CAPN14: variants seen among roughly 807,000 people sequenced by gnomAD.
CAPN14 encodes calpain-14.
CAPN14 carries 94 observed loss-of-function variants against 101.3 expected under a neutral mutation model. The observed-to-expected ratio is 0.93, with a 90% confidence interval of 0.79 to 1.10. CAPN14 has a LOEUF of 1.10. Ranked by LOEUF, CAPN14 falls within the 50% of genes least tolerant of loss-of-function variation. The pLI, the probability that CAPN14 is intolerant of heterozygous loss-of-function variation, is 0.00. For missense variants in CAPN14, 837 were observed against 828.4 expected, an observed-to-expected ratio of 1.01 and a Z score of -0.13; for synonymous variants, 338 against 317.9, an observed-to-expected ratio of 1.06 and a Z score of -0.67.
rs1222399994 is a variant in CAPN14, at chr2:31,178,573, C to T, written c.1717G>A (p.Ala573Thr). 1 of 1,536,348 alleles carries T rather than the reference C, an allele frequency of 6.5e-7. No individual in the cohort carries two copies. The highest frequency in any genetic ancestry group is 8.8e-7 in the Non-Finnish European group (1 of 1,141,144). ...QGILALLDLN[A>T]SGTMSIQEFR... Reference sequence around the variant, plus strand: ...TCCTGGATGCTCATAGTACCTGATGCATTAAGCTGATTAATAGGTTAAGGT... The same window carrying T: ...TCCTGGATGCTCATAGTACCTGATGTATTAAGCTGATTAATAGGTTAAGGT... The change falls in exon 18 of 22, where the codon GCA (alanine) becomes ACA (threonine). Residue 573 changes from alanine to threonine, a missense_variant. Coordinates refer to ENST00000403897, the MANE Select transcript of CAPN14 (RefSeq NM_001145122.2).
chr2:31,222,741 T>G (rs1470481192), intron 2 of CAPN14, among the ~76,000 whole-genome samples: 1 of 152,144 alleles, frequency 6.6e-6, no homozygotes, highest in African/African-American at 2.4e-5. Context: ...CTACAGGATA[T>G]CCAAGTGAAA....
chr2:31,174,676 C>A lies in CAPN14; in HGVS notation c.*5G>T, dbSNP rs7601998. ...TTCAGTGAGGGCAGGTGAGACTCAG[C>A]CTTCTCAGGAGTACAGTGCCATCAT... On this transcript the variant is annotated 3_prime_UTR_variant, in exon 22 of 22. Coordinates refer to ENST00000403897, the MANE Select transcript of CAPN14 (RefSeq NM_001145122.2). The A allele has an allele frequency of 1.1e-3, 1,685 of 1,551,552 alleles. 20 individuals are homozygous for A. In the African/African-American group the frequency reaches 0.02, roughly 19 times the overall value.
chr2:31,177,261 A>G (rs1680352024), intron 19 of CAPN14, 119 bp from the exon 20 acceptor site: 5 of 627,430 alleles, frequency 8.0e-6, no homozygotes, highest in Non-Finnish European at 1.1e-5. Context: ...TAGCATGGAA[A>G]TCTTCTTTTA....
At chr2:31,177,993 C>T (rs972590765) in intron 18 of CAPN14, among the ~76,000 whole-genome samples, 172 bp from the exon 19 acceptor site, 1 of 152,170 alleles carries the variant, frequency 6.6e-6, no homozygotes, top group African/African-American at 2.4e-5. Flanking sequence ...TGGGATCCTA[C>T]CGCCTCATGT....
rs1359349018 is a variant in CAPN14, at chr2:31,193,017, G to C, written c.1114+114C>G. 4 of 1,070,924 alleles carry C rather than the reference G, an allele frequency of 3.7e-6. No individual in the cohort carries two copies. In the East Asian group the frequency reaches 1.0e-4, roughly 28 times the overall value. The allele number at this position is 1,070,924 out of a possible 1,614,324, so 66.3% of individuals were successfully genotyped here. On this transcript the variant is annotated intron_variant, in intron 10 of 21. Coordinates refer to ENST00000403897, the MANE Select transcript of CAPN14 (RefSeq NM_001145122.2). ...CCCAACACACAGTGAGGCAAGCAGA[G>C]CCTCCTCCCCACTCAGCCAATGCAG...
chr2:31,214,164 C>T (rs1191119363), intron 1 of CAPN14, among the ~76,000 whole-genome samples: 1 of 152,168 alleles, frequency 6.6e-6, no homozygotes, highest in East Asian at 1.9e-4. Context: ...TAAACAGATG[C>T]TTGATAAATG....
intron 16 of CAPN14, among the ~76,000 whole-genome samples, chr2:31,185,539 T>C (rs1194962173): frequency 1.3e-5 from 2 of 152,254 alleles, no homozygotes; most frequent in African/African-American, 4.8e-5. Flanking sequence ...TAAATGTGCA[T>C]GAGCCATTGC....
At chr2:31,202,835 T>G (rs1482879070) in intron 3 of CAPN14, among the ~76,000 whole-genome samples, 1 of 152,146 alleles carries the variant, frequency 6.6e-6, no homozygotes, top group Non-Finnish European at 1.5e-5. Context: ...TAATGAGGAC[T>G]ATGTGAGGAC....
intron 1 of CAPN14, among the ~76,000 whole-genome samples, chr2:31,208,584 T>C (rs1682226649): frequency 6.6e-6 from 1 of 152,212 alleles, no homozygotes. Context: ...TGCACACACA[T>C]ACACACACAA....
In CAPN14 at chr2:31,178,591, G is replaced by A. The variant is rs1213244732; in HGVS notation, c.1711-12C>T. ...CCTGATGCATTAAGCTGATTAATAG[G>A]TTAAGGTAAAAGCTTCCAGGGAGAG... On this transcript the variant is annotated splice_polypyrimidine_tract_variant and intron_variant, in intron 17 of 21. Transcript: ENST00000403897. 2.0e-6 allele frequency: 3 copies of A among 1,509,994 alleles called. No homozygotes were observed. The highest frequency in any genetic ancestry group is 4.5e-5 in the Admixed American group (2 of 44,546). 93.5% of individuals were successfully genotyped at this position (1,509,994 alleles called of 1,614,324 possible).
At chr2:31,220,610 G>C (rs145896337), upstream of CAPN14, among the ~76,000 whole-genome samples, 428 of 152,256 alleles carry the variant, frequency 2.8e-3, 2 homozygotes, top group African/African-American at 9.3e-3. Flanking sequence ...GGATCACGAG[G>C]TCAGGAGACC....
exon 1 of CAPN14, chr2:31,233,809 G>T (rs532049181): frequency 2.0e-5 from 3 of 151,798 alleles, no homozygotes; most frequent in South Asian, 4.2e-4. Context: ...CTAGGGAATT[G>T]ACCTCAGCAA....
intron 2 of CAPN14, among the ~76,000 whole-genome samples, chr2:31,223,981 C>T (rs908991189): frequency 2.6e-5 from 4 of 152,196 alleles, no homozygotes; most frequent in African/African-American, 9.7e-5. Flanking sequence ...TGTTTGTTTT[C>T]ATACAGCCTG....
intron 1 of CAPN14, 109 bp from the exon 2 acceptor site, chr2:31,205,608 T>C: frequency 1.5e-6 from 1 of 660,934 alleles, no homozygotes; most frequent in Non-Finnish European, 2.7e-6. Flanking sequence ...AGTCAGCTGG[T>C]GAGAAAGAGA....
At chr2:31,179,964 A>T (rs944236786) in intron 17 of CAPN14, among the ~76,000 whole-genome samples, 1 of 152,234 alleles carries the variant, frequency 6.6e-6, no homozygotes, top group Non-Finnish European at 1.5e-5. Context: ...TTATTATTTT[A>T]AAAACCAGCT....
intron 2 of CAPN14, among the ~76,000 whole-genome samples, chr2:31,204,364 T>C (rs1000423002): frequency 2.0e-5 from 3 of 152,182 alleles, no homozygotes; most frequent in Non-Finnish European, 4.4e-5. Context: ...CCTAAAACCT[T>C]GGGAACCTCT....
chr2:31,176,932 C>T lies in CAPN14; in HGVS notation c.1972+94G>A, dbSNP rs111351662. ...CCCTGGTCTGCTGTTTCTGGGATGG[C>T]GGCTGTCCTCCCTTGTGCTTAAACT... On this transcript the variant is annotated intron_variant, in intron 20 of 21. Coordinates refer to ENST00000403897, the MANE Select transcript of CAPN14 (RefSeq NM_001145122.2). 2,618 of 923,698 alleles carry T rather than the reference C, an allele frequency of 2.8e-3. 44 individuals are homozygous for T. The African/African-American group carries it at 0.036, about 13-fold the overall frequency. 57.2% of individuals were successfully genotyped at this position (923,698 alleles called of 1,614,324 possible).
chr2:31,176,298 T>C (rs7570158), intron 21 of CAPN14, among the ~76,000 whole-genome samples: 39,024 of 152,200 alleles, frequency 0.26, 6,271 homozygotes, highest in African/African-American at 0.44. Context: ...GCTAAATAAG[T>C]GCTTGTCATA....
Position 31,206,021 on chromosome 2 carries a change from A to ATTTTTTTTT in CAPN14, c.-52-523_-52-522insAAAAAAAAA, listed in dbSNP as rs200116287. ...CAAAACCTCCTCCTACATTATCTTT[A>ATTTTTTTTT]TTTTTTTTATTTATTTATTTTTTTT... is the stretch of plus-strand genomic sequence containing the variant. On this transcript the variant is annotated intron_variant, in intron 1 of 21. Transcript: ENST00000403897. Among the ~76,000 whole-genome samples the ATTTTTTTTT allele has an allele frequency of 1.2e-3, 132 of 108,710 alleles. 13 individuals are homozygous for ATTTTTTTTT. Among genetic ancestry groups the ATTTTTTTTT allele is most frequent in the East Asian group, 2.0e-3 (6 of 3,008 alleles). The allele number at this position is 108,710 out of a possible 152,430, so 71.3% of individuals were successfully genotyped here. A position where few individuals can be genotyped will look rare whatever the true frequency, so the allele number is the denominator to read the frequency against.
Sources: allele counts gnomAD v4.1 joint callset (sites outside exome capture counted in the v4.1 genomes callset), GRCh38; gene constraint gnomAD v4.1.1; transcripts MANE v1.5; gene names NCBI Gene and HGNC (gene_info 2026-07-23, HGNC 2026-07-21).